The following SMAD6 variants were observed in gnomAD, a reference collection of about 807,000 sequenced individuals.
The protein encoded by SMAD6 is SMAD family member 6.
A neutral mutation model predicts 39.4 loss-of-function variants in SMAD6; 103 were observed. The observed-to-expected ratio is 2.62, with a 90% CI of 2.23 to 3.08. SMAD6 has a LOEUF of 3.08. SMAD6 is among the 30% of genes most tolerant of loss of function. The pLI, the probability that SMAD6 is intolerant of heterozygous loss-of-function variation, is 0.00. For synonymous variants in SMAD6, 445 were observed against 353.3 expected (o/e 1.26, Z -2.91); for missense variants, 1,104 against 742.9 (o/e 1.49, Z -5.65).
intron 3 of SMAD6, among the ~76,000 whole-genome samples, chr15:66,771,364 G>C (rs60108094): frequency 6.6e-6 from 1 of 152,230 alleles, no homozygotes; most frequent in South Asian, 2.1e-4. Flanking sequence ...TACTGCAAGA[G>C]ATAAAAGAAT....
intron 3 of SMAD6, among the ~76,000 whole-genome samples, chr15:66,719,441 C>A (rs368373710): frequency 6.6e-6 from 1 of 152,124 alleles, no homozygotes; most frequent in Non-Finnish European, 1.5e-5. Context: ...AGAGATCACA[C>A]CACTCGCTGG....
intron 1 of SMAD6, 28 bp downstream of exon 1, chr15:66,704,103 C>A (rs532444860): frequency 2.2e-6 from 3 of 1,385,416 alleles, no homozygotes; most frequent in Admixed American, 3.2e-5. Flanking sequence ...GCCGGGGGGG[C>A]CCCGGGTCCC....
rs1893035298 is a variant in SMAD6 at position 66,703,713 on chromosome 15, CGGCGGGCGGCG to C, written c.461_471del (p.Gly154GlufsTer145). The C allele has an allele frequency of 7.5e-7, 1 of 1,334,734 alleles. No individual in the cohort carries two copies. 82.7% of individuals were successfully genotyped at this position (1,334,734 alleles called of 1,614,324 possible). On this transcript the variant is annotated frameshift_variant, in exon 1 of 4. Transcript: ENST00000288840. LOFTEE classifies it high-confidence loss of function. Reference sequence around the variant, plus strand: ...CCCCTGGCCGGGGCGGCCCTGGAGCCGGCGGGCGGCGGGCGGAGTCGCGAAGCGCGCTCGCG... The same window carrying C: ...CCCCTGGCCGGGGCGGCCCTGGAGCCGGCGGAGTCGCGAAGCGCGCTCGCG...
chr15:66,702,562 A>G lies in SMAD6; in HGVS notation c.-697A>G, dbSNP rs1490453936. The G allele has an allele frequency of 6.6e-6, 1 of 152,554 alleles. No individual in the cohort carries two copies. The highest frequency in any genetic ancestry group is 1.5e-5 in the Non-Finnish European group (1 of 68,032). The allele number at this position is 152,554 out of a possible 1,614,324, so 9.5% of individuals were successfully genotyped here. On this transcript the variant is annotated 5_prime_UTR_variant, in exon 1 of 4. Coordinates refer to ENST00000288840, the MANE Select transcript of SMAD6 (RefSeq NM_005585.5). ...TTCCCAGCAGCTCTTTGGGATTTTT[A>G]CAGCTTCCACTCATGTGTTGACACC... is the stretch of plus-strand genomic sequence containing the variant.
intron 1 of SMAD6, 35 bp downstream of exon 1, chr15:66,704,110 T>G (rs2140583237): frequency 7.3e-7 from 1 of 1,367,316 alleles, no homozygotes; most frequent in Non-Finnish European, 9.5e-7. Flanking sequence ...GGGCCCCGGG[T>G]CCCCGTCCCC....
rs755030867 is a variant in SMAD6, at chr15:66,781,103, C to T, written c.1059C>T (p.Ala353=). The T allele has an allele frequency of 6.2e-6, 10 of 1,608,660 alleles. No homozygotes were observed. Among genetic ancestry groups the T allele is most frequent in the South Asian group, 1.1e-5 (1 of 90,926 alleles). Reference sequence around the variant, plus strand: ...GCCTCTATGCGGTGTACGACCAGGCCGTCAGCATCTTCTACGACCTACCTC... The same window carrying T: ...GCCTCTATGCGGTGTACGACCAGGCTGTCAGCATCTTCTACGACCTACCTC... ...VGRLYAVYDQ[A]VSIFYDLPQG... The change falls in exon 4 of 4, where the codon GCC becomes GCT. Residue 353 remains alanine (A), a synonymous_variant. Transcript: ENST00000288840.
intron 3 of SMAD6, among the ~76,000 whole-genome samples, chr15:66,720,109 G>A (rs1326425514): frequency 6.6e-6 from 1 of 152,152 alleles, no homozygotes; most frequent in Non-Finnish European, 1.5e-5. Context: ...CCCCTGTCAG[G>A]CTGTCCTCTT....
At chr15:66,707,814 A>T (rs1246509724) in intron 1 of SMAD6, 2 of 152,272 alleles carry the variant, frequency 1.3e-5, no homozygotes, top group Admixed American at 1.3e-4. Flanking sequence ...GGGAGGGGGG[A>T]AACTTGGCAA....
At chr15:66,744,337 G>A (rs1023846167) in intron 3 of SMAD6, among the ~76,000 whole-genome samples, 1 of 152,224 alleles carries the variant, frequency 6.6e-6, no homozygotes, top group Non-Finnish European at 1.5e-5. Context: ...ATCTGGGAAT[G>A]CACTAAAGAG....
Position 66,781,470 on chromosome 15 carries a change from T to A in SMAD6, c.1426T>A (p.Tyr476Asn). ...ISFAKGWGPC[Y>N]SRQFITSCPC... ...CTTCGCCAAGGGCTGGGGGCCCTGC[T>A]ACTCCCGGCAGTTCATCACCTCCTG... Residue 476 changes from tyrosine to asparagine, a missense_variant, in exon 4 of 4, where the codon TAC (tyrosine) becomes AAC (asparagine). Tyr to Asn is a moderately radical substitution (Grantham distance 143). Transcript: ENST00000288840. The A allele has an allele frequency of 6.2e-7, 1 of 1,601,490 alleles. No individual in the cohort carries two copies. Among genetic ancestry groups the A allele is most frequent in the Non-Finnish European group, 8.5e-7 (1 of 1,176,212 alleles).
At chr15:66,780,874 C>A (rs1343473985) in intron 3 of SMAD6, 123 bp from the exon 4 acceptor site, 2 of 944,136 alleles carry the variant, frequency 2.1e-6, no homozygotes, top group Admixed American at 2.6e-5. Context: ...GCCCACATGA[C>A]TGCTGAATGC....
chr15:66,706,941 G>C (rs1893125946), intron 1 of SMAD6: 1 of 152,280 alleles, frequency 6.6e-6, no homozygotes, highest in Non-Finnish European at 1.5e-5. Context: ...GAGGGCTGAT[G>C]TGCAGATTCC....
At chr15:66,769,419 A>T (rs993290749) in intron 3 of SMAD6, among the ~76,000 whole-genome samples, 2 of 152,282 alleles carry the variant, frequency 1.3e-5, no homozygotes, top group East Asian at 3.9e-4. Context: ...GAAGATTTGC[A>T]CCAGTTCACC....
At chr15:66,719,101 G>A (rs1893385238) in intron 3 of SMAD6, among the ~76,000 whole-genome samples, 1 of 152,230 alleles carries the variant, frequency 6.6e-6, no homozygotes, top group Non-Finnish European at 1.5e-5. Flanking sequence ...CTGTGAGACA[G>A]GTGTGATTCT....
chr15:66,729,223 C>G (rs1893578607), intron 3 of SMAD6, among the ~76,000 whole-genome samples: 1 of 152,150 alleles, frequency 6.6e-6, no homozygotes, highest in Admixed American at 6.5e-5. Flanking sequence ...GTCCTGTCCC[C>G]CTGCGTCTCC....
intron 3 of SMAD6, among the ~76,000 whole-genome samples, chr15:66,727,927 G>A (rs1013716104): frequency 4.0e-4 from 61 of 151,808 alleles, no homozygotes; most frequent in African/African-American, 1.3e-3. Context: ...ATCTCCGCTC[G>A]CGGTAACCTC....
At chr15:66,704,258 ACAT>A (rs1326713680) in intron 1 of SMAD6, 183 bp downstream of exon 1, 5 of 406,812 alleles carry the variant, frequency 1.2e-5, no homozygotes, top group Non-Finnish European at 4.3e-6. Flanking sequence ...CCCAGCACAC[ACAT>A]CAAGTGGCAA....
At chr15:66,739,554 T>C (rs1893776856) in intron 3 of SMAD6, among the ~76,000 whole-genome samples, 1 of 152,206 alleles carries the variant, frequency 6.6e-6, no homozygotes, top group South Asian at 2.1e-4. Context: ...GGCACGGGGC[T>C]GGCAGTGGCA....
chr15:66,747,719 C>T lies in SMAD6; in HGVS notation c.952+31221C>T, dbSNP rs775415206. 1.3e-4 allele frequency among the ~76,000 whole-genome samples: 20 copies of T among 152,316 alleles called. No individual in the cohort carries two copies. The highest frequency in any genetic ancestry group is 2.1e-4 in the South Asian group (1 of 4,820). Reference sequence around the variant, plus strand: ...GAGTGTAAATTTGATAGAGGTTGAACGAAACACCTGCCTTAGAATGCAGGG... The same window carrying T: ...GAGTGTAAATTTGATAGAGGTTGAATGAAACACCTGCCTTAGAATGCAGGG... On this transcript the variant is annotated intron_variant, in intron 3 of 3. Coordinates refer to ENST00000288840, the MANE Select transcript of SMAD6 (RefSeq NM_005585.5). The surrounding 1 kb of genome is among the most constrained non-coding windows in gnomAD (Gnocchi z 4.5).
Sources: gnomAD v4.1 joint callset for allele counts (sites outside exome capture counted in the v4.1 genomes callset) on GRCh38, gnomAD v4.1.1 for gene constraint, Gnocchi (gnomAD v3.1) non-coding constraint, MANE v1.5 for transcripts, NCBI Gene and HGNC (gene_info 2026-07-23, HGNC 2026-07-21) for gene names.